SVEP1: variants seen among roughly 807,000 people sequenced by gnomAD.
SVEP1 encodes the protein sushi, von Willebrand factor type A, EGF and pentraxin domain containing 1, also known as sushi, von Willebrand factor type A, EGF and pentraxin domain-containing protein 1.
Under a neutral mutation model 367.3 loss-of-function variants are expected in SVEP1, and 164 were observed. The ratio of observed to expected loss-of-function variants is 0.45; its 90% confidence interval spans 0.39 to 0.51. SVEP1 has a LOEUF of 0.51. Among genes scored for constraint, SVEP1 ranks in the 20% least tolerant of loss-of-function variants. The probability of loss-of-function intolerance (pLI) is 0.00; values close to 1 mark genes in which losing one functional copy is unlikely to be tolerated. For synonymous variants in SVEP1, 1,666 were observed against 1,611.6 expected (o/e 1.03, Z -0.81); for missense variants, 4,117 against 4,425.3 (o/e 0.93, Z 1.98).
intron 18 of SVEP1, among the ~76,000 whole-genome samples, chr9:110,462,425 G>A (rs1828871095): frequency 6.6e-6 from 1 of 151,634 alleles, no homozygotes; most frequent in South Asian, 2.1e-4. Context: ...TTTTCCTGCA[G>A]TGGTCAATTA....
intron 17 of SVEP1, among the ~76,000 whole-genome samples, chr9:110,467,961 GCTCCTA>G (rs1432361910): frequency 4.8e-5 from 6 of 124,830 alleles, no homozygotes; most frequent in Middle Eastern, 8.1e-3. Context: ...CCCCTGCCTT[GCTCCTA>G]CTTTCTCCAC....
intron 3 of SVEP1, among the ~76,000 whole-genome samples, chr9:110,516,551 A>C (rs1829807110): frequency 6.6e-6 from 1 of 152,078 alleles, no homozygotes; most frequent in Non-Finnish European, 1.5e-5. Flanking sequence ...TAATATTGTA[A>C]TATTTCTTTC....
In SVEP1 at chr9:110,387,438, G is replaced by A; in HGVS notation, c.9907C>T (p.Leu3303Phe). 6.2e-7 allele frequency: 1 copy of A among 1,610,420 alleles called. No homozygotes were observed. The highest frequency in any genetic ancestry group is 1.3e-5 in the African/African-American group (1 of 74,830). ...TCAGCTTTCCCATTGAGAAATTCAA[G>A]TGGAGTTTCACACCTGGTCTCTAAA... ...ICKETRCETP[L>F]EFLNGKADIE... The change falls in exon 42 of 48, where the codon CTT (leucine) becomes TTT (phenylalanine). Residue 3303 changes from leucine to phenylalanine, a missense_variant. Transcript: ENST00000374469.
At position 110,436,445 on chromosome 9, in the gene SVEP1, C is replaced by G; in HGVS notation, c.4699G>C (p.Ala1567Pro). Residue 1567 changes from alanine (A) to proline (P), a missense_variant, in exon 28 of 48, where the codon GCT becomes CCT. Physicochemically the swap from Ala to Pro is conservative, Grantham distance 27 (BLOSUM62 -1). Coordinates refer to ENST00000374469, the MANE Select transcript of SVEP1 (RefSeq NM_153366.4). ...QDKKGEGFSPAESFVGSISQL... is the reference protein window; with the variant it reads ...QDKKGEGFSPPESFVGSISQL... ...CTTATGGAGCCCACAAAAGACTCAG[C>G]TGGGCTGAATCCCTCTCCTTTTTTG... The G allele has an allele frequency of 1.2e-6, 2 of 1,613,976 alleles. No homozygotes were observed. Among genetic ancestry groups the G allele is most frequent in the East Asian group, 2.2e-5 (1 of 44,878 alleles).
Position 110,579,580 on chromosome 9 carries a change from C to T in SVEP1, c.-37G>A. On this transcript the variant is annotated 5_prime_UTR_variant, in exon 1 of 48. Coordinates refer to ENST00000374469, the MANE Select transcript of SVEP1 (RefSeq NM_153366.4). This position sits in a 1 kb window ranked among gnomAD's most constrained non-coding sequence, Gnocchi z 5.3. ...CAGAGCGGCTGCCCCGGAGCGCAGG[C>T]GGCGGCTCGGGCGGGAAGAGGCGCT... The T allele has an allele frequency of 6.5e-7, 1 of 1,528,788 alleles. No homozygotes were observed. The highest frequency in any genetic ancestry group is 8.7e-7 in the Non-Finnish European group (1 of 1,143,630). 94.7% of individuals were successfully genotyped at this position (1,528,788 alleles called of 1,614,324 possible).
intron 41 of SVEP1, among the ~76,000 whole-genome samples, chr9:110,388,271 G>T (rs553979977): frequency 2.1e-4 from 32 of 152,238 alleles, no homozygotes; most frequent in Admixed American, 5.2e-4. Flanking sequence ...AAGTTATAAA[G>T]AATGATTTTG....
intron 3 of SVEP1, among the ~76,000 whole-genome samples, chr9:110,527,029 C>T (rs1433758862): frequency 6.6e-6 from 1 of 151,936 alleles, no homozygotes; most frequent in Non-Finnish European, 1.5e-5. Context: ...AAGGTGGAGG[C>T]GGTGGCTATG....
intron 3 of SVEP1, among the ~76,000 whole-genome samples, chr9:110,536,009 G>A (rs564842661): frequency 6.6e-6 from 1 of 152,068 alleles, no homozygotes; most frequent in African/African-American, 2.4e-5. Context: ...ATGTTTAATA[G>A]GAGTGGTGAG....
intron 43 of SVEP1, among the ~76,000 whole-genome samples, chr9:110,382,540 G>A (rs1827453291): frequency 6.6e-6 from 1 of 152,084 alleles, no homozygotes; most frequent in Non-Finnish European, 1.5e-5. Flanking sequence ...AGGATTATGT[G>A]TCTTGGGGTT....
chr9:110,498,961 AAAG>A lies in SVEP1; in HGVS notation c.1681+77_1681+79del. ...ATCATGGGTTTGCAGCAAAAGTTGC[AAAG>A]AAGGATTGTCCTATACTGCACCCAT... is the stretch of plus-strand genomic sequence containing the variant. On this transcript the variant is annotated intron_variant, in intron 7 of 47. Transcript: ENST00000374469. The A allele has an allele frequency of 3.2e-6, 4 of 1,252,666 alleles. No individual in the cohort carries two copies. In the South Asian group the frequency reaches 8.2e-5, roughly 26 times the overall value. 77.6% of individuals were successfully genotyped at this position (1,252,666 alleles called of 1,614,324 possible).
At chr9:110,557,298 G>A (rs969194063) in intron 1 of SVEP1, among the ~76,000 whole-genome samples, 26 of 151,996 alleles carry the variant, frequency 1.7e-4, no homozygotes, top group African/African-American at 5.6e-4. Flanking sequence ...ATTGAATCCC[G>A]GCATTGCATT....
intron 3 of SVEP1, among the ~76,000 whole-genome samples, chr9:110,528,156 G>GTGTGTATATATATATATATATATATA: frequency 2.9e-5 from 1 of 33,950 alleles, no homozygotes; most frequent in African/African-American, 1.1e-4. Context: ...GTGTGTGTGT[G>GTGTGTATATATATATATATATATATA]TATATATATA....
At chr9:110,376,221 G>T (rs1827348461) in intron 45 of SVEP1, among the ~76,000 whole-genome samples, 1 of 152,122 alleles carries the variant, frequency 6.6e-6, no homozygotes, top group African/African-American at 2.4e-5. Flanking sequence ...GCATAGCAAA[G>T]CTTGGGAAGC....
Position 110,458,551 on chromosome 9 carries a change from T to C in SVEP1, c.3496A>G (p.Thr1166Ala), listed in dbSNP as rs1828811256. The change falls in exon 20 of 48, where the codon ACT becomes GCT. Residue 1166 changes from threonine (T) to alanine (A), a missense_variant. Thr to Ala is a moderately conservative substitution (Grantham distance 58). This residue lies in a region of SVEP1 where 2,174 missense variants were observed against 2,494.3 expected (regional missense o/e 0.87). Coordinates refer to ENST00000374469, the MANE Select transcript of SVEP1 (RefSeq NM_153366.4). Reference protein sequence around the residue: ...SITECSSFSSTFSAAEESVVP... With the variant: ...SITECSSFSSAFSAAEESVVP... ...ACACTTTCCTCTGCCGCTGAGAAAG[T>C]TGAACTAAAACCTAATCAATTAATA... is the stretch of plus-strand genomic sequence containing the variant. 1.1e-5 allele frequency: 17 copies of C among 1,610,754 alleles called. No individual in the cohort carries two copies. Among genetic ancestry groups the C allele is most frequent in the Admixed American group, 1.7e-5 (1 of 59,538 alleles).
rs527252407 is a variant in SVEP1, at chr9:110,507,446, T to C, written c.1304-4229A>G. ...CTACAATGAACCCATTCAAATTATA[T>C]TAATCAGCAGAGCATAAGTATTGTG... On this transcript the variant is annotated intron_variant, in intron 5 of 47. Transcript: ENST00000374469. Among the ~76,000 whole-genome samples the C allele has an allele frequency of 1.1e-4, 17 of 152,340 alleles. 1 individual carries two copies. In the South Asian group the frequency reaches 2.7e-3, roughly 24 times the overall value.
At chr9:110,494,523 C>G (rs1269878957) in intron 8 of SVEP1, among the ~76,000 whole-genome samples, 1 of 152,190 alleles carries the variant, frequency 6.6e-6, no homozygotes, top group African/African-American at 2.4e-5. Context: ...CTAGTTCAGA[C>G]TATTCAATAT....
intron 5 of SVEP1, among the ~76,000 whole-genome samples, chr9:110,509,624 C>T (rs1829678456): frequency 2.6e-5 from 4 of 152,180 alleles, no homozygotes; most frequent in Admixed American, 2.0e-4. Flanking sequence ...GACCCTGCTG[C>T]CTCAGTCTCC....
At chr9:110,436,987 A>T (rs1468824910) in intron 27 of SVEP1, among the ~76,000 whole-genome samples, 1 of 152,182 alleles carries the variant, frequency 6.6e-6, no homozygotes, top group Non-Finnish European at 1.5e-5. Context: ...TCTCTGTATC[A>T]GCTGTTTCTG....
chr9:110,479,236 T>C (rs966361601), intron 13 of SVEP1, among the ~76,000 whole-genome samples: 20 of 152,138 alleles, frequency 1.3e-4, no homozygotes, highest in African/African-American at 4.8e-4. Context: ...TTATAATTGT[T>C]GTAAGAGTCC....
Sources: gnomAD v4.1 joint callset for allele counts (sites outside exome capture counted in the v4.1 genomes callset) on GRCh38, gnomAD v4.1.1 for gene constraint, gnomAD v4.1.1 regional missense constraint, Gnocchi (gnomAD v3.1) non-coding constraint, MANE v1.5 for transcripts, NCBI Gene and HGNC (gene_info 2026-07-23, HGNC 2026-07-21) for gene names.